Variants in BAG4 observed in about 807,000 individuals in gnomAD.
BAG4 encodes the protein BAG cochaperone 4, also known as BAG family molecular chaperone regulator 4.
A neutral mutation model predicts 52.1 loss-of-function variants in BAG4; 28 were observed. The observed-to-expected ratio is 0.54, with a 90% CI of 0.40 to 0.74. BAG4 has a LOEUF of 0.74. Ranked by LOEUF, BAG4 falls within the 30% of genes least tolerant of loss-of-function variation. The pLI, the probability that BAG4 is intolerant of heterozygous loss-of-function variation, is 0.00. For missense variants in BAG4, 525 were observed against 572.0 expected (o/e 0.92, Z 0.84); for synonymous variants, 208 against 217.0 (o/e 0.96, Z 0.37).
chr8:38,186,563 G>T (rs1486320026), intron 1 of BAG4, among the ~76,000 whole-genome samples: 1 of 152,188 alleles, frequency 6.6e-6, no homozygotes, highest in Non-Finnish European at 1.5e-5. Context: ...TAGTAGGCCA[G>T]CTAGTTTGCT....
At chr8:38,200,058 T>G (rs1008452561) in intron 2 of BAG4, among the ~76,000 whole-genome samples, 44 of 150,166 alleles carry the variant, frequency 2.9e-4, no homozygotes, top group African/African-American at 1.1e-3. Context: ...CAGGATGGAG[T>G]GTAGTGGTGC....
intron 1 of BAG4, among the ~76,000 whole-genome samples, chr8:38,182,552 A>G (rs1803289440): frequency 6.6e-6 from 1 of 152,244 alleles, no homozygotes; most frequent in African/African-American, 2.4e-5. Flanking sequence ...TTTAATTCAC[A>G]TTATTGTGGC....
At chr8:38,197,709 TA>T (rs1185257077) in intron 2 of BAG4, among the ~76,000 whole-genome samples, 3 of 152,220 alleles carry the variant, frequency 2.0e-5, no homozygotes, top group Non-Finnish European at 4.4e-5. Context: ...TATTTTAAGT[TA>T]TTTTTTTGAG....
chr8:38,202,559 C>CTT (rs577407833), intron 2 of BAG4, among the ~76,000 whole-genome samples: 1,538 of 142,930 alleles, frequency 0.011, 19 homozygotes, highest in South Asian at 0.024. Context: ...GCTCGGCCCC[C>CTT]TTTTTTTTTT....
chr8:38,177,079 T>C lies in BAG4; in HGVS notation c.210T>C (p.Asp70=), dbSNP rs1162076581. 1 of 1,612,132 alleles carries C rather than the reference T, an allele frequency of 6.2e-7. No homozygotes were observed. The highest frequency in any genetic ancestry group is 2.2e-5 in the East Asian group (1 of 44,878). ...TTWLGEGGGG[D]GYYPSGGAWP... is the part of the protein sequence containing the mutation. ...GGCTGGGAGAAGGCGGAGGAGGCGA[T>C]GGCTACTATCCCTCGGGAGGCGCCT... Residue 70 remains aspartate (D), a synonymous_variant, in exon 1 of 5, where the codon GAT becomes GAC. Transcript: ENST00000287322.
chr8:38,197,886 G>T (rs1351860860), intron 2 of BAG4, among the ~76,000 whole-genome samples: 2 of 151,902 alleles, frequency 1.3e-5, no homozygotes, highest in Non-Finnish European at 2.9e-5. Context: ...TTTTAGTAGA[G>T]GCAGGGTTTC....
At chr8:38,194,947 C>T (rs1397987234) in intron 2 of BAG4, among the ~76,000 whole-genome samples, 6 of 146,086 alleles carry the variant, frequency 4.1e-5, no homozygotes, top group East Asian at 4.1e-4. Context: ...CTCTGCCTCC[C>T]GGGTTCACGC....
At chr8:38,207,900 T>G in intron 3 of BAG4, 134 bp downstream of exon 3, 1 of 1,128,156 alleles carries the variant, frequency 8.9e-7, no homozygotes, top group African/African-American at 1.6e-5. Context: ...TATTGATGCC[T>G]TTCTTATTTG....
chr8:38,205,133 C>T (rs866218564), intron 2 of BAG4, among the ~76,000 whole-genome samples: 27 of 150,938 alleles, frequency 1.8e-4, no homozygotes, highest in African/African-American at 6.1e-4. Context: ...TAGGCTCAAA[C>T]GATCCTCCTG....
Position 38,192,772 on chromosome 8 carries a change from G to T in BAG4, c.355G>T (p.Val119Leu), listed in dbSNP as rs747094717. 1 of 1,609,742 alleles carries T rather than the reference G, an allele frequency of 6.2e-7. No homozygotes were observed. Among genetic ancestry groups the T allele is most frequent in the Admixed American group, 1.7e-5 (1 of 59,134 alleles). Residue 119 changes from valine to leucine, a missense_variant, in exon 2 of 5, where the codon GTA (valine) becomes TTA (leucine). Physicochemically the swap from Val to Leu is conservative, Grantham distance 32 (BLOSUM62 1). Transcript: ENST00000287322. The stretch of plus-strand genomic sequence containing the variant: ...GGCTCCTTACCCAAGTACATATCCT[G>T]TAAGACCAGAATTGCAAGGCCAGGT... ...SRAPYPSTYPVRPELQGQSLN... is the reference protein window; with the variant it reads ...SRAPYPSTYPLRPELQGQSLN...
In BAG4 at chr8:38,209,177, C is replaced by T. The variant is rs749964503; in HGVS notation, c.798C>T (p.Pro266=). The T allele has an allele frequency of 1.7e-5, 28 of 1,614,038 alleles. No homozygotes were observed. The highest frequency in any genetic ancestry group is 1.7e-4 in the Admixed American group (10 of 59,980). Residue 266 remains proline, a synonymous_variant, in exon 4 of 5, where the codon CCC becomes CCT. Coordinates refer to ENST00000287322, the MANE Select transcript of BAG4 (RefSeq NM_004874.4). ...PWPSSAPSAP[P]GNLYMTESTS... ...CTTCATCAGCGCCCTCAGCACCACC[C>T]GGCAATCTCTACATGACTGAAAGTA...
rs913428299 is a variant in BAG4, at chr8:38,212,290, G to T, written c.*1797G>T. On this transcript the variant is annotated 3_prime_UTR_variant, in exon 5 of 5. Transcript: ENST00000287322. ...ATTCTTTTACTGACTGAGTGCCCAA[G>T]ATGCCAATTTCCATGAAGTCTTGAT... 5 of 152,170 alleles carry T rather than the reference G, an allele frequency of 3.3e-5. No homozygotes were observed. The highest frequency in any genetic ancestry group is 1.2e-4 in the African/African-American group (5 of 41,438). 9.4% of individuals were successfully genotyped at this position (152,170 alleles called of 1,614,324 possible).
intron 2 of BAG4, among the ~76,000 whole-genome samples, chr8:38,198,638 A>G (rs534351349): frequency 2.7e-5 from 4 of 150,496 alleles, no homozygotes; most frequent in South Asian, 2.1e-4. Context: ...ACAGGCGCCC[A>G]CCACCACGCC....
intron 2 of BAG4, among the ~76,000 whole-genome samples, chr8:38,206,555 TAAC>T (rs779637738): frequency 5.9e-5 from 9 of 152,120 alleles, no homozygotes; most frequent in Non-Finnish European, 8.8e-5. Context: ...ATGATAATAC[TAAC>T]AACAGTCATA....
intron 1 of BAG4, among the ~76,000 whole-genome samples, chr8:38,179,902 G>A (rs1166140406): frequency 6.6e-6 from 1 of 152,126 alleles, no homozygotes; most frequent in Non-Finnish European, 1.5e-5. Flanking sequence ...AAGAGGAGAG[G>A]ACCTCTAAAC....
Position 38,210,384 on chromosome 8 carries a change from A to G in BAG4, c.1265A>G (p.Glu422Gly). Residue 422 changes from glutamate to glycine, a missense_variant, in exon 5 of 5, where the codon GAA (glutamate) becomes GGA (glycine). Glu to Gly is a moderately conservative substitution (Grantham distance 98, BLOSUM62 -2). Coordinates refer to ENST00000287322, the MANE Select transcript of BAG4 (RefSeq NM_004874.4). ...LEEMLTKELL[E>G]LDSVETGGQD... ...GAAATGCTAACCAAGGAACTTTTGG[A>G]ACTGGATTCAGTTGAAACTGGGGGC... The G allele has an allele frequency of 6.2e-7, 1 of 1,614,222 alleles. No homozygotes were observed. Among genetic ancestry groups the G allele is most frequent in the South Asian group, 1.1e-5 (1 of 91,078 alleles).
chr8:38,208,603 G>A (rs559817537), intron 3 of BAG4, among the ~76,000 whole-genome samples: 2 of 152,160 alleles, frequency 1.3e-5, no homozygotes, highest in South Asian at 2.1e-4. Context: ...GAGCCACCGC[G>A]CCTGGCCAGG....
In BAG4 at chr8:38,212,362, C is replaced by G. The variant is rs942717320; in HGVS notation, c.*1869C>G. The stretch of plus-strand genomic sequence containing the variant: ...ATGCACATACATGTTTGTTTTCTAA[C>G]AGTTATTTTTTAAGCTTTTGAGATA... On this transcript the variant is annotated 3_prime_UTR_variant, in exon 5 of 5. Transcript: ENST00000287322. 6.6e-6 allele frequency: 1 copy of G among 152,048 alleles called. No homozygotes were observed. Among genetic ancestry groups the G allele is most frequent in the Non-Finnish European group, 1.5e-5 (1 of 67,992 alleles). The allele number at this position is 152,048 out of a possible 1,614,324, so 9.4% of individuals were successfully genotyped here.
At chr8:38,196,231 C>T (rs1803557722) in intron 2 of BAG4, among the ~76,000 whole-genome samples, 1 of 151,956 alleles carries the variant, frequency 6.6e-6, no homozygotes, top group African/African-American at 2.4e-5. Flanking sequence ...ATAGAGTAAC[C>T]CTATATGTAT....
Sources: gnomAD v4.1 joint callset for allele counts (sites outside exome capture counted in the v4.1 genomes callset) on GRCh38, gnomAD v4.1.1 for gene constraint, MANE v1.5 for transcripts, NCBI Gene and HGNC (gene_info 2026-07-23, HGNC 2026-07-21) for gene names.